The following GPD1 variants were observed in gnomAD, a reference collection of about 807,000 sequenced individuals.
GPD1 encodes glycerol-3-phosphate dehydrogenase 1.
In GPD1, 19 loss-of-function variants were observed where a neutral mutation model predicts 34.4. The observed-to-expected ratio is 0.55, with a 90% confidence interval of 0.39 to 0.81. The LOEUF is 0.81. Ranked by LOEUF, GPD1 falls within the 30% of genes least tolerant of loss-of-function variation. The pLI, the probability that GPD1 is intolerant of heterozygous loss-of-function variation, is 0.00. For synonymous variants in GPD1, 172 were observed against 174.1 expected (o/e 0.99, Z 0.09); for missense variants, 429 against 447.0 (o/e 0.96, Z 0.36).
rs1592299949 is a variant in GPD1 at position 50,104,288 on chromosome 12, A to G, written c.41+197A>G. 4.3e-6 allele frequency: 3 copies of G among 700,366 alleles called. No homozygotes were observed. In the South Asian group the frequency reaches 4.7e-5, roughly 11 times the overall value. The allele number at this position is 700,366 out of a possible 1,614,324, so 43.4% of individuals were successfully genotyped here. ...TCCTGGGCAGCTGCACCTGTTCACC[A>G]TGGGAAGGCGTCTCCAGAGCTCTCT... On this transcript the variant is annotated intron_variant, in intron 1 of 7. Coordinates refer to ENST00000301149, the MANE Select transcript of GPD1 (RefSeq NM_005276.4).
At chr12:50,105,774 A>G in intron 3 of GPD1, 86 bp downstream of exon 3, 1 of 1,368,384 alleles carries the variant, frequency 7.3e-7, no homozygotes, top group Non-Finnish European at 1.0e-6. Flanking sequence ...AGAACAGAAA[A>G]TGGCAGACGC....
intron 3 of GPD1, chr12:50,105,965 G>T (rs1361602287): frequency 3.0e-6 from 2 of 666,514 alleles, no homozygotes; most frequent in Admixed American, 4.2e-5. Context: ...AAGCGGGCTG[G>T]TTTGAGAAGT....
At position 50,104,027 on chromosome 12, in the gene GPD1, C is replaced by T. The variant is rs140876219; in HGVS notation, c.-24C>T. The T allele has an allele frequency of 3.2e-5, 52 of 1,613,758 alleles. No individual in the cohort carries two copies. In the African/African-American group the frequency reaches 4.9e-4, roughly 15 times the overall value. ...GGAGCTAGGGAGTGTGGCACTGAGC[C>T]GGCTCAGGCAGAGACGCGGCACCAT... On this transcript the variant is annotated 5_prime_UTR_variant, in exon 1 of 8. Transcript: ENST00000301149.
intron 2 of GPD1, chr12:50,105,227 T>C: frequency 2.8e-6 from 1 of 351,556 alleles, no homozygotes; most frequent in Non-Finnish European, 5.2e-6. Flanking sequence ...GATGAAATCT[T>C]ATTTGAGCTC....
At chr12:50,107,947 C>A (rs1950994336) in intron 6 of GPD1, 77 bp from the exon 7 acceptor site, 1 of 1,060,534 alleles carries the variant, frequency 9.4e-7, no homozygotes, top group East Asian at 2.5e-5. Context: ...CCACTCCCAT[C>A]TGAGCTCCAG....
At position 50,104,307 on chromosome 12, in the gene GPD1, GCTCT is replaced by G. The variant is rs1369730565; in HGVS notation, c.41+219_41+222del. The G allele has an allele frequency of 7.1e-6, 5 of 702,078 alleles. No individual in the cohort carries two copies. In the East Asian group the frequency reaches 8.1e-5, roughly 11 times the overall value. The allele number at this position is 702,078 out of a possible 1,614,324, so 43.5% of individuals were successfully genotyped here. On this transcript the variant is annotated intron_variant, in intron 1 of 7. Coordinates refer to ENST00000301149, the MANE Select transcript of GPD1 (RefSeq NM_005276.4). ...TTCACCATGGGAAGGCGTCTCCAGAGCTCTCTATGTGAAGAGCCGCTTGAGTTTG... is the reference window on the plus strand; with the variant it reads ...TTCACCATGGGAAGGCGTCTCCAGAGCTATGTGAAGAGCCGCTTGAGTTTG...
chr12:50,105,793 A>G (rs1247255421), intron 3 of GPD1, 105 bp downstream of exon 3: 1 of 1,155,370 alleles, frequency 8.7e-7, no homozygotes, highest in Non-Finnish European at 1.3e-6. Flanking sequence ...GCAGGCCAAG[A>G]GTTTGCTGGA....
intron 4 of GPD1, 134 bp downstream of exon 4, chr12:50,106,560 C>T: frequency 1.1e-6 from 1 of 885,800 alleles, no homozygotes; most frequent in South Asian, 1.6e-5. Context: ...GTGAAGGAGG[C>T]TGGGACACCC....
In GPD1 at chr12:50,107,599, T is replaced by C. The variant is rs747509185; in HGVS notation, c.645T>C (p.Asp215=). 2 of 1,614,130 alleles carry C rather than the reference T, an allele frequency of 1.2e-6. No homozygotes were observed. The highest frequency in any genetic ancestry group is 1.7e-6 in the Non-Finnish European group (2 of 1,179,994). Residue 215 remains aspartate, a synonymous_variant, in exon 6 of 8, where the codon GAT becomes GAC. Coordinates refer to ENST00000301149, the MANE Select transcript of GPD1 (RefSeq NM_005276.4). ...TGGCCGTGGGGGCTGGCTTCTGTGA[T>C]GGCCTGGGCTTTGGCGACAACACCA... is the stretch of plus-strand genomic sequence containing the variant. ...NVVAVGAGFC[D]GLGFGDNTKA... is the part of the protein sequence containing the mutation.
chr12:50,108,051 C>T lies in GPD1; in HGVS notation c.874C>T (p.Leu292=), dbSNP rs769708951. 6.2e-7 allele frequency: 1 copy of T among 1,612,602 alleles called. No individual in the cohort carries two copies. The highest frequency in any genetic ancestry group is 8.5e-7 in the Non-Finnish European group (1 of 1,178,930). The change falls in exon 7 of 8, where the codon CTG becomes TTG. Residue 292 remains leucine, a synonymous_variant. Coordinates refer to ENST00000301149, the MANE Select transcript of GPD1 (RefSeq NM_005276.4). ...CATTGAGCAGCTGGAGAAAGAGTTG[C>T]TGAATGGGCAGAAACTGCAGGGGCC... ...KSIEQLEKEL[L]NGQKLQGPET...
Position 50,106,363 on chromosome 12 carries a change from G to A in GPD1, c.436G>A (p.Val146Met). 1.2e-6 allele frequency: 2 copies of A among 1,613,044 alleles called. No homozygotes were observed. Among genetic ancestry groups the A allele is most frequent in the Non-Finnish European group, 1.7e-6 (2 of 1,179,176 alleles). Residue 146 changes from valine (V) to methionine (M), a missense_variant, in exon 4 of 8, where the codon GTG (valine) becomes ATG (methionine). By Grantham distance (21) the Val-to-Met change is conservative. Coordinates refer to ENST00000301149, the MANE Select transcript of GPD1 (RefSeq NM_005276.4). ...IGERLGIPMSVLMGANIASEV... is the reference protein window; with the variant it reads ...IGERLGIPMSMLMGANIASEV... ...GGAGCGCCTCGGCATCCCCATGAGT[G>A]TGCTGATGGGGGCCAACATTGCCAG... is the stretch of plus-strand genomic sequence containing the variant.
chr12:50,107,889 C>A, intron 6 of GPD1, 89 bp downstream of exon 6: 1 of 1,082,886 alleles, frequency 9.2e-7, no homozygotes, highest in Non-Finnish European at 1.4e-6. Flanking sequence ...GGAGCACAAA[C>A]ATTAAGACTG....
intron 2 of GPD1, 126 bp downstream of exon 2, chr12:50,104,877 T>C: frequency 1.4e-6 from 1 of 721,764 alleles, no homozygotes; most frequent in African/African-American, 1.8e-5. Context: ...TGGGAAGGTC[T>C]CAGGAGGGCT....
At chr12:50,105,450 T>C in intron 2 of GPD1, 98 bp from the exon 3 acceptor site, 1 of 1,280,410 alleles carries the variant, frequency 7.8e-7, no homozygotes, top group Non-Finnish European at 1.1e-6. Context: ...CCTGCTCCCC[T>C]ACCAGCCTCA....
In GPD1 at chr12:50,107,935, C is replaced by T. The variant is rs1263894789; in HGVS notation, c.847-89C>T. 2.1e-5 allele frequency: 22 copies of T among 1,025,296 alleles called. No homozygotes were observed. In the East Asian group the frequency reaches 3.0e-4, roughly 14 times the overall value. The allele number at this position is 1,025,296 out of a possible 1,614,324, so 63.5% of individuals were successfully genotyped here. A position where few individuals can be genotyped will look rare whatever the true frequency, so the allele number is the denominator to read the frequency against. Reference sequence around the variant, plus strand: ...CCCCATCCCTCTTTTCCTCCCAAGACCCCACTCCCATCTGAGCTCCAGTCT... The same window carrying T: ...CCCCATCCCTCTTTTCCTCCCAAGATCCCACTCCCATCTGAGCTCCAGTCT... On this transcript the variant is annotated intron_variant, in intron 6 of 7. Transcript: ENST00000301149.
Position 50,109,619 on chromosome 12 carries a change from C to G in GPD1, c.*100C>G, listed in dbSNP as rs578085268. On this transcript the variant is annotated 3_prime_UTR_variant, in exon 8 of 8. Transcript: ENST00000301149. ...CAGGATCTCCAGGACTCCCAGGGAG[C>G]AGAGTCTTCTCATCTTTTCACTGGA... 7.9e-5 allele frequency: 55 copies of G among 698,826 alleles called. No individual in the cohort carries two copies. Among genetic ancestry groups the G allele is most frequent in the Non-Finnish European group, 1.3e-4 (51 of 380,398 alleles). The allele number at this position is 698,826 out of a possible 1,614,324, so 43.3% of individuals were successfully genotyped here. A position where few individuals can be genotyped will look rare whatever the true frequency, so the allele number is the denominator to read the frequency against.
At position 50,105,547 on chromosome 12, in the gene GPD1, G is replaced by T. The variant is rs768754769; in HGVS notation, c.220-1G>T. The T allele has an allele frequency of 7.4e-6, 12 of 1,611,148 alleles. No individual in the cohort carries two copies. In the South Asian group the frequency reaches 1.3e-4, roughly 18 times the overall value. On this transcript the variant is annotated splice_acceptor_variant, in intron 2 of 7. Transcript: ENST00000301149. LOFTEE classifies it high-confidence loss of function. Reference sequence around the variant, plus strand: ...CCGCGAGCACTTGGTCACCCCCACAGGTGGCTGTCCCAGATGTGGTCCAGG... The same window carrying T: ...CCGCGAGCACTTGGTCACCCCCACATGTGGCTGTCCCAGATGTGGTCCAGG...
intron 3 of GPD1, chr12:50,105,913 G>A (rs879931051): frequency 1.9e-5 from 13 of 694,738 alleles, no homozygotes; most frequent in Middle Eastern, 2.3e-4. Context: ...AGGTCCTCTC[G>A]GGGAGTTTCG....
rs749565964 is a variant in GPD1, at chr12:50,106,275, A to C, written c.361-13A>C. On this transcript the variant is annotated splice_polypyrimidine_tract_variant and intron_variant, in intron 3 of 7. Transcript: ENST00000301149. The stretch of plus-strand genomic sequence containing the variant: ...CCAAAGGGCACCTGGCCTGAGCTCC[A>C]TCCTGTGCTCAGGGGGTAGACGAGG... 2 of 1,597,558 alleles carry C rather than the reference A, an allele frequency of 1.3e-6. No individual in the cohort carries two copies. Among genetic ancestry groups the C allele is most frequent in the South Asian group, 2.3e-5 (2 of 88,842 alleles).
Sources: gnomAD v4.1 joint callset for allele counts on GRCh38, gnomAD v4.1.1 for gene constraint, MANE v1.5 for transcripts, NCBI Gene and HGNC (gene_info 2026-07-23, HGNC 2026-07-21) for gene names.